The following TRIP12 variants were observed in gnomAD, a reference collection of about 807,000 sequenced individuals.
TRIP12 encodes thyroid hormone receptor interactor 12, also known as E3 ubiquitin-protein ligase TRIP12.
Under a neutral mutation model 244.2 loss-of-function variants are expected in TRIP12, and 25 were observed. The observed-to-expected ratio is 0.10, with a 90% CI of 0.07 to 0.14. The LOEUF (loss-of-function observed/expected upper bound fraction) is 0.14. Ranked by LOEUF, TRIP12 falls within the 10% of genes least tolerant of loss-of-function variation. TRIP12 has a pLI of 1.00. For synonymous variants in TRIP12, 905 were observed against 873.1 expected, an observed-to-expected ratio of 1.04 and a Z score of -0.64; for missense variants, 1,677 against 2,486.4, an observed-to-expected ratio of 0.67 and a Z score of 6.92.
rs1313042223 is a variant in TRIP12, at chr2:229,870,448, T to C, written c.98+9534A>G. Reference sequence around the variant, plus strand: ...AACAGAGAGGAGGCAGCCAGACAGATACTGAGTCTGTAGTTCCCGGGGATC... The same window carrying C: ...AACAGAGAGGAGGCAGCCAGACAGACACTGAGTCTGTAGTTCCCGGGGATC... On this transcript the variant is annotated intron_variant, in intron 2 of 41. Coordinates refer to ENST00000675903, the MANE Select transcript of TRIP12 (RefSeq NM_001348323.3). Among the ~76,000 whole-genome samples the C allele has an allele frequency of 2.6e-5, 4 of 152,188 alleles. No homozygotes were observed. In the South Asian group the frequency reaches 6.2e-4, roughly 24 times the overall value.
chr2:229,828,765 T>C (rs2052462524), intron 8 of TRIP12, among the ~76,000 whole-genome samples: 2 of 151,264 alleles, frequency 1.3e-5, no homozygotes. Flanking sequence ...AGACTCCATC[T>C]CAAAAAAAAT....
In TRIP12 at chr2:229,860,412, G is replaced by T; in HGVS notation, c.218C>A (p.Ser73Tyr). 1 of 1,592,014 alleles carries T rather than the reference G, an allele frequency of 6.3e-7. No homozygotes were observed. The highest frequency in any genetic ancestry group is 8.5e-7 in the Non-Finnish European group (1 of 1,170,568). Residue 73 changes from serine (S) to tyrosine (Y), a missense_variant, in exon 3 of 42, where the codon TCT (serine) becomes TAT (tyrosine). Ser to Tyr is a moderately radical substitution (Grantham distance 144). Transcript: ENST00000675903. Reference protein sequence around the residue: ...TTSELSRGHLSKRSCSSSSAV... With the variant: ...TTSELSRGHLYKRSCSSSSAV... Reference sequence around the variant, plus strand: ...AAGCAACATGAAGATTTACCTTTTAGAAAGGTGTCCCCTTGACAGTTCAGA... The same window carrying T: ...AAGCAACATGAAGATTTACCTTTTATAAAGGTGTCCCCTTGACAGTTCAGA...
At chr2:229,893,512 T>C (rs1220869244) in intron 1 of TRIP12, among the ~76,000 whole-genome samples, 1 of 152,126 alleles carries the variant, frequency 6.6e-6, no homozygotes, top group Non-Finnish European at 1.5e-5. Flanking sequence ...TTTTTACCAT[T>C]GTCTTGCCTA....
intron 38 of TRIP12, 21 bp from the exon 39 acceptor site, chr2:229,771,653 A>G: frequency 6.4e-7 from 1 of 1,570,644 alleles, no homozygotes; most frequent in Non-Finnish European, 8.8e-7. Context: ...AAAGTTTTCA[A>G]AAAACTGTGA....
rs376235388 is a variant in TRIP12 at position 229,778,539 on chromosome 2, G to A, written c.5258C>T (p.Ala1753Val). 6 of 1,613,998 alleles carry A rather than the reference G, an allele frequency of 3.7e-6. No individual in the cohort carries two copies. Among genetic ancestry groups the A allele is most frequent in the Non-Finnish European group, 5.1e-6 (6 of 1,179,904 alleles). Residue 1753 changes from alanine to valine, a missense_variant, in exon 36 of 42, where the codon GCG becomes GTG. Transcript: ENST00000675903. This position sits in a 1 kb window ranked among gnomAD's most constrained non-coding sequence, Gnocchi z 4.1. ...CTTTGCTGTCCTACCAAAGGGAAGCGCAAACAGGCCCTGGAGGTTTTGAAT... is the reference window on the plus strand; with the variant it reads ...CTTTGCTGTCCTACCAAAGGGAAGCACAAACAGGCCCTGGAGGTTTTGAAT... ...KYIQNLQGLF[A>V]LPFGRTAKPA...
intron 6 of TRIP12, among the ~76,000 whole-genome samples, chr2:229,832,021 T>C (rs969733725): frequency 6.6e-6 from 1 of 152,068 alleles, no homozygotes; most frequent in Non-Finnish European, 1.5e-5. Flanking sequence ...TAAAGAGGCA[T>C]GTGTGAATAA....
At chr2:229,867,171 G>GTTTGT (rs1201836319) in intron 2 of TRIP12, among the ~76,000 whole-genome samples, 1,615 of 123,544 alleles carry the variant, frequency 0.013, 28 homozygotes, top group Middle Eastern at 0.058. Context: ...TTGTTTGTTT[G>GTTTGT]TTTTTTTTTT....
At chr2:229,879,319 A>T (rs1319518511) in intron 2 of TRIP12, among the ~76,000 whole-genome samples, 1 of 152,182 alleles carries the variant, frequency 6.6e-6, no homozygotes, top group African/African-American at 2.4e-5. Context: ...AAAATTAGAG[A>T]ACTAGGCCTT....
chr2:229,836,880 G>A lies in TRIP12; in HGVS notation c.1238C>T (p.Ala413Val). 1.3e-6 allele frequency: 2 copies of A among 1,599,988 alleles called. No homozygotes were observed. The highest frequency in any genetic ancestry group is 1.7e-6 in the Non-Finnish European group (2 of 1,175,660). ...TCCTTGGGGAGCTTCATCTGTCCGA[G>A]CAGCTGAAGAATTTACTGCCTCCTG... ...SNQEAVNSSA[A>V]RTDEAPQGAA... is the part of the protein sequence containing the mutation. The change falls in exon 6 of 42, where the codon GCT (alanine) becomes GTT (valine). Residue 413 changes from alanine (A) to valine (V), a missense_variant. Physicochemically the swap from Ala to Val is moderately conservative, Grantham distance 64. This residue lies in a region of TRIP12 where 143 missense variants were observed against 215.6 expected (regional missense o/e 0.66). Transcript: ENST00000675903.
At chr2:229,840,096 T>C (rs1184107103) in intron 5 of TRIP12, among the ~76,000 whole-genome samples, 4 of 152,234 alleles carry the variant, frequency 2.6e-5, no homozygotes, top group African/African-American at 9.6e-5. Context: ...GGCATCCTTT[T>C]TGATTCATTA....
In TRIP12 at chr2:229,864,047, A is replaced by AGAGAGAGAGAGT; in HGVS notation, c.99-3517_99-3516insACTCTCTCTCTC. On this transcript the variant is annotated intron_variant, in intron 2 of 41. Coordinates refer to ENST00000675903, the MANE Select transcript of TRIP12 (RefSeq NM_001348323.3). ...GAGAGAGAGAGAGAGAGAGAGAGAG[A>AGAGAGAGAGAGT]GTGTGTGTGTGTGTGTGTGTGTGTG... 2.1e-3 allele frequency among the ~76,000 whole-genome samples: 163 copies of AGAGAGAGAGAGT among 79,302 alleles called. 2 individuals carry two copies. The highest frequency in any genetic ancestry group is 7.2e-3 in the South Asian group (14 of 1,946). The allele number at this position is 79,302 out of a possible 152,430, so 52.0% of individuals were successfully genotyped here. A position where few individuals can be genotyped will look rare whatever the true frequency, so the allele number is the denominator to read the frequency against.
intron 2 of TRIP12, among the ~76,000 whole-genome samples, chr2:229,867,919 G>A (rs540554585): frequency 6.6e-6 from 1 of 152,190 alleles, no homozygotes; most frequent in South Asian, 2.1e-4. Context: ...ATTTAACACG[G>A]GTACTACTAA....
At chr2:229,837,983 T>G (rs1270916956) in intron 5 of TRIP12, among the ~76,000 whole-genome samples, 1 of 152,090 alleles carries the variant, frequency 6.6e-6, no homozygotes, top group Non-Finnish European at 1.5e-5. Context: ...TCCCCCAAAA[T>G]TATTCAAACT....
chr2:229,777,781 T>A (rs548473326), intron 36 of TRIP12, among the ~76,000 whole-genome samples: 3 of 152,350 alleles, frequency 2.0e-5, no homozygotes, highest in African/African-American at 4.8e-5. Flanking sequence ...ACTGATAAAC[T>A]GCCCACTCTT....
intron 2 of TRIP12, among the ~76,000 whole-genome samples, chr2:229,868,166 T>C (rs1428813765): frequency 1.3e-5 from 2 of 152,200 alleles, no homozygotes; most frequent in African/African-American, 4.8e-5. Flanking sequence ...AAGAGCAAGT[T>C]ACAAATTACC....
rs998980801 is a variant in TRIP12, at chr2:229,765,937, T to C, written c.*1617A>G. ...TAATGGGGTCACTGCCCAAGTGAAC[T>C]CTCAGGAGGGGACATTTCCATATAA... On this transcript the variant is annotated 3_prime_UTR_variant, in exon 42 of 42. Coordinates refer to ENST00000675903, the MANE Select transcript of TRIP12 (RefSeq NM_001348323.3). 3 of 152,176 alleles carry C rather than the reference T, an allele frequency of 2.0e-5. No individual in the cohort carries two copies. Among genetic ancestry groups the C allele is most frequent in the African/African-American group, 7.2e-5 (3 of 41,454 alleles). The allele number at this position is 152,176 out of a possible 1,614,324, so 9.4% of individuals were successfully genotyped here. A position where few individuals can be genotyped will look rare whatever the true frequency, so the allele number is the denominator to read the frequency against.
intron 9 of TRIP12, 69 bp downstream of exon 9, chr2:229,818,295 A>G (rs2049015077): frequency 1.3e-6 from 2 of 1,483,870 alleles, no homozygotes; most frequent in Non-Finnish European, 1.9e-6. Flanking sequence ...ATAATCATAC[A>G]TTCAGTACAA....
In TRIP12 at chr2:229,804,115, A is replaced by G; in HGVS notation, c.2763T>C (p.Tyr921=). 6.2e-7 allele frequency: 1 copy of G among 1,614,160 alleles called. No individual in the cohort carries two copies. Among genetic ancestry groups the G allele is most frequent in the Non-Finnish European group, 8.5e-7 (1 of 1,180,002 alleles). The part of the protein sequence containing the change: ...KTLFGVLYEV[Y]SSSAGPAVRH... ...TGACCGCAGGTCCTGCTGAGGAACT[A>G]TACACTTCATAAAGAACACCAAATA... The change falls in exon 19 of 42, where the codon TAT becomes TAC. Residue 921 remains tyrosine, a synonymous_variant. Transcript: ENST00000675903.
At chr2:229,876,443 A>G (rs1179389090) in intron 2 of TRIP12, among the ~76,000 whole-genome samples, 2 of 152,216 alleles carry the variant, frequency 1.3e-5, no homozygotes, top group Non-Finnish European at 2.9e-5. Context: ...TAAAACTAAT[A>G]AGATGTTTTG....
Sources: gnomAD v4.1 joint callset for allele counts (sites outside exome capture counted in the v4.1 genomes callset) on GRCh38, gnomAD v4.1.1 for gene constraint, gnomAD v4.1.1 regional missense constraint, Gnocchi (gnomAD v3.1) non-coding constraint, MANE v1.5 for transcripts, NCBI Gene and HGNC (gene_info 2026-07-23, HGNC 2026-07-21) for gene names.